The following DSCAML1 variants were observed in gnomAD, a reference collection of about 807,000 sequenced individuals.
DSCAML1 encodes cell adhesion molecule DSCAML1.
DSCAML1 carries 38 observed loss-of-function variants against 200.5 expected under a neutral mutation model. That is an observed-to-expected ratio of 0.19 (90% CI 0.15 to 0.25). The LOEUF is 0.25. Ranked by LOEUF, DSCAML1 falls within the 10% of genes least tolerant of loss-of-function variation. The pLI is 1.00. For synonymous variants in DSCAML1, 1,215 were observed against 1,165.0 expected, an observed-to-expected ratio of 1.04 and a Z score of -0.87; for missense variants, 2,223 against 2,858.8, an observed-to-expected ratio of 0.78 and a Z score of 5.07.
chr11:117,505,725 AG>A lies in DSCAML1; in HGVS notation c.1790del (p.Pro597LeufsTer2). 6.2e-7 allele frequency: 1 copy of A among 1,608,258 alleles called. No individual in the cohort carries two copies. The highest frequency in any genetic ancestry group is 8.5e-7 in the Non-Finnish European group (1 of 1,176,492). On this transcript the variant is annotated frameshift_variant, in exon 9 of 33. Transcript: ENST00000651296. LOFTEE classifies it high-confidence loss of function. This position sits in a 1 kb window ranked among gnomAD's most constrained non-coding sequence, Gnocchi z 6.7. ...GTGGGAATTCGAAGGGCTGGATCAG[AG>A]GGGGCACTGGGAAGGCAAGCGGGTG... ...QSVHVAVKVP[P>X]LIQPFEFPPA...
intron 1 of DSCAML1, among the ~76,000 whole-genome samples, chr11:117,814,965 C>A (rs144144270): frequency 1.3e-5 from 2 of 152,318 alleles, no homozygotes; most frequent in Non-Finnish European, 2.9e-5. Flanking sequence ...GGGTTTGGCA[C>A]GCACTCGGTT....
At chr11:117,442,577 T>C (rs2048090444) in intron 21 of DSCAML1, among the ~76,000 whole-genome samples, 1 of 152,082 alleles carries the variant, frequency 6.6e-6, no homozygotes, top group African/African-American at 2.4e-5. Flanking sequence ...ACAGGGCGGC[T>C]GTGAGGTGAC....
intron 3 of DSCAML1, among the ~76,000 whole-genome samples, chr11:117,685,617 T>C (rs1031301213): frequency 2.0e-5 from 3 of 152,176 alleles, no homozygotes; most frequent in Non-Finnish European, 4.4e-5. Context: ...ACTCAAAGGT[T>C]TGCTTTCTAC....
chr11:117,623,423 C>T (rs2051979862), intron 3 of DSCAML1, among the ~76,000 whole-genome samples: 1 of 152,054 alleles, frequency 6.6e-6, no homozygotes, highest in African/African-American at 2.4e-5. Flanking sequence ...GCCATGTTGG[C>T]CAGGCAGGTC....
chr11:117,522,682 A>G (rs1312713418), intron 5 of DSCAML1, among the ~76,000 whole-genome samples: 10 of 152,194 alleles, frequency 6.6e-5, no homozygotes, highest in Admixed American at 6.5e-4. Flanking sequence ...ACATTGAGTC[A>G]GGTGGCCTCC....
intron 3 of DSCAML1, among the ~76,000 whole-genome samples, chr11:117,609,988 C>T (rs2051654623): frequency 6.6e-6 from 1 of 152,132 alleles, no homozygotes; most frequent in South Asian, 2.1e-4. Flanking sequence ...TTCACAAGGA[C>T]TGATGAGGCT....
intron 19 of DSCAML1, among the ~76,000 whole-genome samples, chr11:117,452,683 C>A (rs189363358): frequency 6.6e-5 from 10 of 152,086 alleles, no homozygotes; most frequent in Admixed American, 5.9e-4. Flanking sequence ...CCCCATTTTT[C>A]TTTTTCTTTT....
intron 1 of DSCAML1, among the ~76,000 whole-genome samples, chr11:117,790,126 C>T (rs933657105): frequency 3.3e-5 from 5 of 152,188 alleles, no homozygotes; most frequent in East Asian, 3.8e-4. Context: ...CCACCAGTCT[C>T]GACTCGGCAG....
At chr11:117,578,782 A>C (rs11606425) in intron 3 of DSCAML1, among the ~76,000 whole-genome samples, 1 of 151,942 alleles carries the variant, frequency 6.6e-6, no homozygotes, top group Admixed American at 6.5e-5. Flanking sequence ...CCATATGCCA[A>C]TGGCTTCCCA....
chr11:117,619,891 A>G (rs1479626637), intron 3 of DSCAML1, among the ~76,000 whole-genome samples: 2 of 152,214 alleles, frequency 1.3e-5, no homozygotes, highest in Non-Finnish European at 2.9e-5. Context: ...ACTTCGGAGC[A>G]AAATACCTAA....
intron 22 of DSCAML1, 67 bp from the exon 23 acceptor site, chr11:117,439,496 C>T (rs935436169): frequency 7.7e-6 from 12 of 1,555,678 alleles, no homozygotes; most frequent in African/African-American, 2.7e-5. Flanking sequence ...GCCCTCCCCC[C>T]GGTGTGTGAC....
chr11:117,470,771 A>C (rs1027491887), intron 15 of DSCAML1, among the ~76,000 whole-genome samples: 2 of 152,234 alleles, frequency 1.3e-5, no homozygotes, highest in African/African-American at 4.8e-5. Context: ...CCTGTGGTAT[A>C]GTCATATAAT....
intron 3 of DSCAML1, among the ~76,000 whole-genome samples, chr11:117,721,813 T>TATGTACATATATATATATATA (rs777069693): frequency 1.4e-5 from 2 of 146,600 alleles, no homozygotes; most frequent in Non-Finnish European, 3.0e-5. Flanking sequence ...ATATATATAT[T>TATGTACATATATATATATATA]TTTTTTTTTT....
intron 1 of DSCAML1, among the ~76,000 whole-genome samples, chr11:117,813,902 G>A (rs542939158): frequency 2.0e-5 from 3 of 152,262 alleles, no homozygotes; most frequent in African/African-American, 7.2e-5. Flanking sequence ...AGGAATGTCA[G>A]GCCTCTGAGC....
chr11:117,734,520 G>T (rs1295655453), intron 3 of DSCAML1, among the ~76,000 whole-genome samples: 2 of 152,174 alleles, frequency 1.3e-5, no homozygotes, highest in Admixed American at 6.5e-5. Context: ...GCTCTGCTGG[G>T]TCAGTGCCTG....
At chr11:117,712,336 T>C (rs2053864225) in intron 3 of DSCAML1, among the ~76,000 whole-genome samples, 1 of 152,110 alleles carries the variant, frequency 6.6e-6, no homozygotes, top group Admixed American at 6.5e-5. Flanking sequence ...AGGGTTCTCT[T>C]TGACACAGTG....
intron 3 of DSCAML1, among the ~76,000 whole-genome samples, chr11:117,738,732 C>A (rs778795687): frequency 1.3e-5 from 2 of 152,072 alleles, no homozygotes; most frequent in African/African-American, 4.8e-5. Context: ...CTTTCATGAC[C>A]GTCTGCTGGC....
At chr11:117,751,441 G>A (rs1448908044) in intron 3 of DSCAML1, among the ~76,000 whole-genome samples, 4 of 147,620 alleles carry the variant, frequency 2.7e-5, no homozygotes, top group Non-Finnish European at 4.5e-5. Context: ...TAAAATTCAC[G>A]CCAAGTCTCC....
intron 3 of DSCAML1, among the ~76,000 whole-genome samples, chr11:117,646,746 C>A (rs2052529589): frequency 6.6e-6 from 1 of 152,094 alleles, no homozygotes; most frequent in Admixed American, 6.5e-5. Context: ...TCAATCAGGG[C>A]TTTCCCCAAC....
Sources: gnomAD v4.1 joint callset for allele counts (sites outside exome capture counted in the v4.1 genomes callset) on GRCh38, gnomAD v4.1.1 for gene constraint, Gnocchi (gnomAD v3.1) non-coding constraint, MANE v1.5 for transcripts, NCBI Gene and HGNC (gene_info 2026-07-23, HGNC 2026-07-21) for gene names.